The following MACROD2 variants were observed in gnomAD, a reference collection of about 807,000 sequenced individuals.
MACROD2 encodes mono-ADP ribosylhydrolase 2.
In MACROD2, 36 loss-of-function variants were observed where a neutral mutation model predicts 70.4. The observed-to-expected ratio is 0.51, with a 90% CI of 0.39 to 0.68. MACROD2 has a LOEUF of 0.68. Ranked by LOEUF, MACROD2 falls within the 30% of genes least tolerant of loss-of-function variation. The probability of loss-of-function intolerance (pLI) is 0.00; values close to 1 mark genes in which losing one functional copy is unlikely to be tolerated. For missense variants in MACROD2, 496 were observed against 538.4 expected (o/e 0.92, Z 0.78); for synonymous variants, 172 against 178.8 (o/e 0.96, Z 0.30).
At chr20:14,748,319 C>T (rs1451747123) in intron 5 of MACROD2, among the ~76,000 whole-genome samples, 2 of 152,076 alleles carry the variant, frequency 1.3e-5, no homozygotes, top group South Asian at 2.1e-4. Flanking sequence ...ATTTGAAGTA[C>T]ATAACTCATT....
Position 15,008,954 on chromosome 20 carries a change from T to G in MACROD2, c.419-220986T>G, listed in dbSNP as rs150892664. 1.0e-3 allele frequency among the ~76,000 whole-genome samples: 154 copies of G among 152,202 alleles called. 2 individuals are homozygous for G. In the East Asian group the frequency reaches 0.026, roughly 26 times the overall value. On this transcript the variant is annotated intron_variant, in intron 5 of 17. Coordinates refer to ENST00000684519, the MANE Select transcript of MACROD2 (RefSeq NM_001351661.2). ...GAGTTGGGAAGCTTGAGTAAAACCC[T>G]TATTCTGCCAGAAAATGTAGCAGTT... is the stretch of plus-strand genomic sequence containing the variant.
At chr20:14,038,648 C>T (rs553014409) in intron 2 of MACROD2, among the ~76,000 whole-genome samples, 2 of 152,104 alleles carry the variant, frequency 1.3e-5, no homozygotes, top group Non-Finnish European at 2.9e-5. Context: ...TTATGCTGTG[C>T]ATTATGTCGT....
rs567190509 is a variant in MACROD2, at chr20:14,112,889, C to G, written c.271+27161C>G. Reference sequence around the variant, plus strand: ...TATTTTCATGAAATATAAATCTATACAACTTTAGGAGTTTCAGAGGAACTT... The same window carrying G: ...TATTTTCATGAAATATAAATCTATAGAACTTTAGGAGTTTCAGAGGAACTT... On this transcript the variant is annotated intron_variant, in intron 3 of 17. Transcript: ENST00000684519. 5.9e-5 allele frequency among the ~76,000 whole-genome samples: 9 copies of G among 151,966 alleles called. No individual in the cohort carries two copies. The East Asian group carries it at 1.5e-3, about 26-fold the overall frequency.
chr20:14,485,767 T>G (rs1242315793), intron 3 of MACROD2, among the ~76,000 whole-genome samples: 2 of 150,086 alleles, frequency 1.3e-5, no homozygotes, highest in Non-Finnish European at 3.0e-5. Context: ...ATAAGAGGAG[T>G]TGAGTTTGTT....
At chr20:14,080,550 T>C (rs1435124622) in intron 2 of MACROD2, among the ~76,000 whole-genome samples, 1 of 148,528 alleles carries the variant, frequency 6.7e-6, no homozygotes, top group Non-Finnish European at 1.5e-5. Context: ...ATTATGTAAA[T>C]AACCAGGCCA....
intron 7 of MACROD2, among the ~76,000 whole-genome samples, chr20:15,435,184 T>G (rs896092211): frequency 6.6e-6 from 1 of 152,044 alleles, no homozygotes; most frequent in Non-Finnish European, 1.5e-5. Context: ...AAAAATACAA[T>G]TTAAAAAAGT....
intron 5 of MACROD2, among the ~76,000 whole-genome samples, chr20:14,980,301 G>C (rs2074785312): frequency 6.6e-6 from 1 of 152,176 alleles, no homozygotes; most frequent in Non-Finnish European, 1.5e-5. Flanking sequence ...TGACACTGGT[G>C]ACTTGAAAGA....
chr20:15,848,319 G>A (rs1022328404), intron 8 of MACROD2, among the ~76,000 whole-genome samples: 5 of 152,032 alleles, frequency 3.3e-5, no homozygotes, highest in African/African-American at 1.2e-4. Flanking sequence ...GCAGGATCTG[G>A]TGCAGTGTGC....
intron 8 of MACROD2, among the ~76,000 whole-genome samples, chr20:15,602,181 C>T (rs1166312212): frequency 6.6e-6 from 1 of 152,172 alleles, no homozygotes; most frequent in Non-Finnish European, 1.5e-5. Flanking sequence ...GCTGGAGCTA[C>T]CAGCCTCTAT....
At chr20:15,593,913 C>T (rs1288632594) in intron 8 of MACROD2, among the ~76,000 whole-genome samples, 1 of 152,218 alleles carries the variant, frequency 6.6e-6, no homozygotes, top group Non-Finnish European at 1.5e-5. Flanking sequence ...ATGGCTGGCC[C>T]TCCCTCGCCC....
chr20:15,342,088 T>C (rs1047421875), intron 6 of MACROD2, among the ~76,000 whole-genome samples: 3 of 152,092 alleles, frequency 2.0e-5, no homozygotes, highest in Non-Finnish European at 4.4e-5. Flanking sequence ...AAAAATACAA[T>C]TAAGGCATCA....
chr20:15,951,299 TTATC>T (rs2065900215), intron 12 of MACROD2, among the ~76,000 whole-genome samples: 1 of 92,922 alleles, frequency 1.1e-5, no homozygotes, highest in Admixed American at 1.1e-4. Context: ...GAGGATATAT[TTATC>T]TAGACACACA....
rs1166711694 is a variant in MACROD2 at position 14,497,199 on chromosome 20, G to A, written c.301+3691G>A. 3.3e-5 allele frequency among the ~76,000 whole-genome samples: 5 copies of A among 151,734 alleles called. 1 individual carries two copies. Among genetic ancestry groups the A allele is most frequent in the Admixed American group, 6.6e-5 (1 of 15,262 alleles). Reference sequence around the variant, plus strand: ...ATTTTCACAAGTCTCAAGATCTACTGATAGCTTGAAAGTCGATACAATGGC... The same window carrying A: ...ATTTTCACAAGTCTCAAGATCTACTAATAGCTTGAAAGTCGATACAATGGC... On this transcript the variant is annotated intron_variant, in intron 4 of 17. Coordinates refer to ENST00000684519, the MANE Select transcript of MACROD2 (RefSeq NM_001351661.2).
chr20:15,118,085 T>C (rs900001734), intron 5 of MACROD2, among the ~76,000 whole-genome samples: 4 of 152,132 alleles, frequency 2.6e-5, no homozygotes, highest in African/African-American at 7.2e-5. Context: ...GAAGATATAC[T>C]AGTGTAAGGT....
chr20:14,443,323 G>T (rs1349957150), intron 3 of MACROD2, among the ~76,000 whole-genome samples: 1 of 147,662 alleles, frequency 6.8e-6, no homozygotes, highest in African/African-American at 2.5e-5. Context: ...TTGAGGCAGT[G>T]TCTTGCTCTG....
chr20:14,840,624 C>T (rs569681938), intron 5 of MACROD2, among the ~76,000 whole-genome samples: 9 of 152,052 alleles, frequency 5.9e-5, no homozygotes, highest in Non-Finnish European at 1.0e-4. Flanking sequence ...ATACTCTTAT[C>T]AGCCAGAACA....
At chr20:14,420,078 G>A (rs1212789320) in intron 3 of MACROD2, among the ~76,000 whole-genome samples, 1 of 151,542 alleles carries the variant, frequency 6.6e-6, no homozygotes, top group Non-Finnish European at 1.5e-5. Context: ...ATTTTCATAT[G>A]TAATACCAAA....
chr20:15,065,651 C>T (rs2075568344), intron 5 of MACROD2, among the ~76,000 whole-genome samples: 2 of 122,510 alleles, frequency 1.6e-5, no homozygotes, highest in Admixed American at 8.5e-5. Flanking sequence ...GAGACTCCGT[C>T]TCCAAAAAAA....
intron 8 of MACROD2, among the ~76,000 whole-genome samples, chr20:15,774,009 C>A (rs55784451): frequency 2.6e-5 from 4 of 152,064 alleles, no homozygotes; most frequent in African/African-American, 9.7e-5. Flanking sequence ...ATAGTAAAAT[C>A]TGCATGAATT....
Sources: allele counts gnomAD v4.1 joint callset (sites outside exome capture counted in the v4.1 genomes callset), GRCh38; gene constraint gnomAD v4.1.1; transcripts MANE v1.5; gene names NCBI Gene and HGNC (gene_info 2026-07-23, HGNC 2026-07-21).